The following PCDHGA1 variants were observed in gnomAD, a reference collection of about 807,000 sequenced individuals.
PCDHGA1 encodes the protein protocadherin gamma-A1.
Under a neutral mutation model 58.0 loss-of-function variants are expected in PCDHGA1, and 32 were observed. The observed-to-expected ratio is 0.55, with a 90% CI of 0.42 to 0.74. The LOEUF is 0.74. Ranked by LOEUF, PCDHGA1 falls within the 30% of genes least tolerant of loss-of-function variation. The probability of loss-of-function intolerance (pLI) is 0.00; values close to 1 mark genes in which losing one functional copy is unlikely to be tolerated. For synonymous variants in PCDHGA1, 498 were observed against 501.1 expected, an observed-to-expected ratio of 0.99 and a Z score of 0.08; for missense variants, 1,205 against 1,182.3, an observed-to-expected ratio of 1.02 and a Z score of -0.28.
chr5:141,508,043 T>A (rs2099865910), intron 3 of PCDHGA1: 1 of 152,252 alleles, frequency 6.6e-6, no homozygotes, highest in Non-Finnish European at 1.5e-5. Context: ...CAGCCAGCTG[T>A]GTTCCAGCTA....
Position 141,331,092 on chromosome 5 carries a change from G to A in PCDHGA1, c.408G>A (p.Glu136=), listed in dbSNP as rs1324241532. The change falls in exon 1 of 4, where the codon GAG becomes GAA. Residue 136 remains glutamate, a synonymous_variant. Transcript: ENST00000517417. ...INDNTPQFQL[E]ELEFKMNEIT... ...ACAACACTCCCCAATTCCAGTTAGA[G>A]GAACTGGAGTTTAAAATGAATGAAA... The A allele has an allele frequency of 1.2e-6, 2 of 1,614,022 alleles. No individual in the cohort carries two copies. The highest frequency in any genetic ancestry group is 2.2e-5 in the South Asian group (2 of 91,082).
At position 141,357,417 on chromosome 5, in the gene PCDHGA1, C is replaced by A. The variant is rs777789813; in HGVS notation, c.2421+24312C>A. On this transcript the variant is annotated intron_variant, in intron 1 of 3. Coordinates refer to ENST00000517417, the MANE Select transcript of PCDHGA1 (RefSeq NM_018912.3). ...GGTTGGCAGGTGTGCCTGCCTCGCA[C>A]TTTGTGGGCGTGGACGGGGTTCGGG... 5 of 1,614,254 alleles carry A rather than the reference C, an allele frequency of 3.1e-6. No individual in the cohort carries two copies. The South Asian group carries it at 4.4e-5, about 14-fold the overall frequency.
intron 1 of PCDHGA1, chr5:141,391,220 T>C (rs1189350408): frequency 6.6e-6 from 1 of 152,208 alleles, no homozygotes; most frequent in South Asian, 2.1e-4. Context: ...GAACATTATA[T>C]GAGCCTTTTG....
At chr5:141,510,917 C>A in intron 3 of PCDHGA1, 30 bp from the exon 4 acceptor site, 2 of 1,613,854 alleles carry the variant, frequency 1.2e-6, no homozygotes, top group Non-Finnish European at 8.5e-7. Flanking sequence ...CTAAGTTTAG[C>A]TCCCACCTGA....
At chr5:141,414,856 G>C (rs1269714202) in intron 1 of PCDHGA1, 2 of 1,614,216 alleles carry the variant, frequency 1.2e-6, no homozygotes, top group Non-Finnish European at 8.5e-7. Flanking sequence ...GGACCAGAAC[G>C]ACAATGCGCC....
rs781267293 is a variant in PCDHGA1 at position 141,489,926 on chromosome 5, C to T, written c.2422-4881C>T. 1.2e-6 allele frequency: 2 copies of T among 1,614,222 alleles called. No individual in the cohort carries two copies. The highest frequency in any genetic ancestry group is 2.2e-5 in the East Asian group (1 of 44,878). On this transcript the variant is annotated intron_variant, in intron 1 of 3. Coordinates refer to ENST00000517417, the MANE Select transcript of PCDHGA1 (RefSeq NM_018912.3). The surrounding 1 kb of genome is among the most constrained non-coding windows in gnomAD (Gnocchi z 4.5). Reference sequence around the variant, plus strand: ...GCCCGCTCAGGGACCACCCTTATCTCTGTCATCGTGCTGGACATCAATGAT... The same window carrying T: ...GCCCGCTCAGGGACCACCCTTATCTTTGTCATCGTGCTGGACATCAATGAT...
rs558103357 is a variant in PCDHGA1 at position 141,345,992 on chromosome 5, T to G, written c.2421+12887T>G. 77 of 1,613,030 alleles carry G rather than the reference T, an allele frequency of 4.8e-5. No homozygotes were observed. In the Middle Eastern group the frequency reaches 7.0e-4, roughly 15 times the overall value. ...CCGTCCAGGACCACGGCCAGCCCCC[T>G]CTCTCCGCCACTGTCACGCTCACCG... On this transcript the variant is annotated intron_variant, in intron 1 of 3. Transcript: ENST00000517417.
chr5:141,481,065 AAAAG>A (rs1476331686), intron 1 of PCDHGA1, among the ~76,000 whole-genome samples: 1 of 152,164 alleles, frequency 6.6e-6, no homozygotes, highest in Non-Finnish European at 1.5e-5. Flanking sequence ...CTCAAAAACA[AAAAG>A]AAAGAAAGAA....
intron 1 of PCDHGA1, chr5:141,351,237 A>T: frequency 6.2e-7 from 1 of 1,613,758 alleles, no homozygotes; most frequent in Non-Finnish European, 8.5e-7. Context: ...CACACAGCTC[A>T]CTGTAATGTT....
chr5:141,370,406 C>T (rs753617533), intron 1 of PCDHGA1: 3 of 1,560,202 alleles, frequency 1.9e-6, no homozygotes, highest in African/African-American at 2.7e-5. Flanking sequence ...TGGGAAATAG[C>T]TCCGGATGGA....
Position 141,465,218 on chromosome 5 carries a change from A to G in PCDHGA1, c.2422-29589A>G, listed in dbSNP as rs151158068. ...ATAAAAATATAAGCTTTATTTTTCA[A>G]CATGAGCTCCATCAAGTTCAAGGCA... On this transcript the variant is annotated intron_variant, in intron 1 of 3. Coordinates refer to ENST00000517417, the MANE Select transcript of PCDHGA1 (RefSeq NM_018912.3). Among the ~76,000 whole-genome samples, 591 of 152,288 alleles carry G rather than the reference A, an allele frequency of 3.9e-3. 6 individuals carry two copies. The highest frequency in any genetic ancestry group is 0.011 in the Admixed American group (171 of 15,290).
chr5:141,438,254 A>G (rs916664408), intron 1 of PCDHGA1, among the ~76,000 whole-genome samples: 1 of 152,170 alleles, frequency 6.6e-6, no homozygotes, highest in Non-Finnish European at 1.5e-5. Context: ...CTGTCATTGA[A>G]GAGACCATAG....
At chr5:141,504,570 AC>A (rs1468526948) in intron 2 of PCDHGA1, among the ~76,000 whole-genome samples, 1 of 148,874 alleles carries the variant, frequency 6.7e-6, no homozygotes, top group Admixed American at 6.9e-5. Flanking sequence ...ATTCTAGGGA[AC>A]ACCATCTGCC....
intron 1 of PCDHGA1, chr5:141,421,355 G>C (rs1561793348): frequency 6.2e-7 from 1 of 1,613,990 alleles, no homozygotes. Flanking sequence ...ACCGAAAAGG[G>C]CTCCTTCGTG....
At chr5:141,366,885 T>A (rs1764844821) in intron 1 of PCDHGA1, 3 of 1,309,884 alleles carry the variant, frequency 2.3e-6, no homozygotes, top group African/African-American at 1.5e-5. Flanking sequence ...TTAATTTTTT[T>A]TATATAATTC....
chr5:141,458,404 G>A lies in PCDHGA1; in HGVS notation c.2422-36403G>A, dbSNP rs183963289. Among the ~76,000 whole-genome samples the A allele has an allele frequency of 4.6e-5, 7 of 152,218 alleles. No homozygotes were observed. The East Asian group carries it at 5.8e-4, about 13-fold the overall frequency. ...GGAAGACGCTCCCCCTTGCAGAGAC[G>A]GAGCGGGGGTTCCAAAGCTGAAAGA... On this transcript the variant is annotated intron_variant, in intron 1 of 3. Transcript: ENST00000517417.
intron 1 of PCDHGA1, chr5:141,356,142 C>G: frequency 6.2e-7 from 1 of 1,613,620 alleles, no homozygotes. Flanking sequence ...ACTCTGGATT[C>G]TATGACATAG....
At position 141,345,562 on chromosome 5, in the gene PCDHGA1, A is replaced by G. The variant is rs771160104; in HGVS notation, c.2421+12457A>G. Reference sequence around the variant, plus strand: ...TCCTCCTTCGTCTCTATCAACTCCAACACTGGCGTCCTATACGCGCTGAGA... The same window carrying G: ...TCCTCCTTCGTCTCTATCAACTCCAGCACTGGCGTCCTATACGCGCTGAGA... On this transcript the variant is annotated intron_variant, in intron 1 of 3. Coordinates refer to ENST00000517417, the MANE Select transcript of PCDHGA1 (RefSeq NM_018912.3). 33 of 1,614,006 alleles carry G rather than the reference A, an allele frequency of 2.0e-5. No homozygotes were observed. Among genetic ancestry groups the G allele is most frequent in the Middle Eastern group, 1.6e-4 (1 of 6,084 alleles).
At chr5:141,372,803 G>A (rs539583252) in intron 1 of PCDHGA1, 71 of 1,593,016 alleles carry the variant, frequency 4.5e-5, no homozygotes, top group Non-Finnish European at 6.1e-5. Flanking sequence ...CAGGCAATTT[G>A]CAAAAGGTGA....
Sources: allele counts gnomAD v4.1 joint callset (sites outside exome capture counted in the v4.1 genomes callset), GRCh38; gene constraint gnomAD v4.1.1; non-coding constraint Gnocchi (gnomAD v3.1); transcripts MANE v1.5; gene names NCBI Gene and HGNC (gene_info 2026-07-23, HGNC 2026-07-21).